The following DPH6 variants were observed in gnomAD, a reference collection of about 807,000 sequenced individuals.
The protein encoded by DPH6 is diphthamine biosynthesis 6, also known as diphthine--ammonia ligase.
In DPH6, 33 loss-of-function variants were observed where a neutral mutation model predicts 38.2. The observed-to-expected ratio is 0.86, with a 90% confidence interval of 0.65 to 1.15. DPH6 has a LOEUF of 1.15. Ranked by LOEUF, DPH6 falls within the 50% of genes most tolerant of loss-of-function variation. The probability of loss-of-function intolerance (pLI) is 0.00; values close to 1 mark genes in which losing one functional copy is unlikely to be tolerated. For missense variants in DPH6, 325 were observed against 320.0 expected (o/e 1.02, Z -0.12); for synonymous variants, 108 against 103.0 (o/e 1.05, Z -0.30).
At chr15:35,299,018 T>TG (rs1566862934) in intron 3 of DPH6, 1 of 733,424 alleles carries the variant, frequency 1.4e-6, no homozygotes, top group East Asian at 2.5e-5. Context: ...AAAACTCACG[T>TG]GCATCATGTC....
At chr15:35,535,833 C>G (rs889982496) in intron 3 of DPH6, among the ~76,000 whole-genome samples, 1 of 152,096 alleles carries the variant, frequency 6.6e-6, no homozygotes, top group Non-Finnish European at 1.5e-5. Flanking sequence ...ATAATTTCTA[C>G]AAAATAGTTA....
chr15:35,538,518 C>G, intron 2 of DPH6, 51 bp from the exon 3 acceptor site: 1 of 1,391,814 alleles, frequency 7.2e-7, no homozygotes, highest in Non-Finnish European at 9.5e-7. Flanking sequence ...AAAAAGAAAG[C>G]GGATTTGAAA....
intron 6 of DPH6, among the ~76,000 whole-genome samples, chr15:35,410,441 A>G (rs758332290): frequency 6.6e-6 from 1 of 151,708 alleles, no homozygotes; most frequent in Non-Finnish European, 1.5e-5. Context: ...TAATTTCCTA[A>G]TTGGTAAAAG....
intron 3 of DPH6, among the ~76,000 whole-genome samples, chr15:35,509,931 G>T (rs561786982): frequency 6.6e-6 from 1 of 152,134 alleles, no homozygotes; most frequent in Admixed American, 6.6e-5. Flanking sequence ...TAAAGATTCA[G>T]GTAGCTGGGC....
At chr15:35,268,063 G>A (rs1452417226) in intron 3 of DPH6, among the ~76,000 whole-genome samples, 3 of 151,946 alleles carry the variant, frequency 2.0e-5, no homozygotes, top group Non-Finnish European at 2.9e-5. Flanking sequence ...CCTGCTACTC[G>A]GGAGGCTGAG....
chr15:35,473,209 A>G (rs1292965670), intron 3 of DPH6, among the ~76,000 whole-genome samples: 1 of 152,188 alleles, frequency 6.6e-6, no homozygotes, highest in Non-Finnish European at 1.5e-5. Context: ...ATATTATTCA[A>G]TAAATAGGAA....
chr15:35,261,138 G>A (rs916840696), intron 3 of DPH6, among the ~76,000 whole-genome samples: 10 of 152,094 alleles, frequency 6.6e-5, no homozygotes, highest in South Asian at 4.1e-4. Context: ...GATTAACTTC[G>A]TTCTTTAATG....
chr15:35,431,506 T>A (rs1367804177), intron 5 of DPH6, among the ~76,000 whole-genome samples: 1 of 151,990 alleles, frequency 6.6e-6, no homozygotes, highest in Non-Finnish European at 1.5e-5. Flanking sequence ...TAAGCCATAA[T>A]CAAATAAAGA....
chr15:35,292,557 G>A (rs934851209), intron 3 of DPH6, among the ~76,000 whole-genome samples: 3 of 151,686 alleles, frequency 2.0e-5, no homozygotes, highest in Admixed American at 1.3e-4. Flanking sequence ...TATTTTTTTC[G>A]GCTGCTGGCC....
chr15:35,476,842 T>C (rs1388421379), intron 3 of DPH6, among the ~76,000 whole-genome samples: 1 of 151,870 alleles, frequency 6.6e-6, no homozygotes, highest in East Asian at 1.9e-4. Context: ...AGTTATAGAA[T>C]AGTAAATGTT....
chr15:35,391,304 G>A (rs749320115), intron 6 of DPH6, among the ~76,000 whole-genome samples: 1 of 152,198 alleles, frequency 6.6e-6, no homozygotes, highest in Non-Finnish European at 1.5e-5. Context: ...CCCACTTGAG[G>A]AGGCAGTCTG....
intron 3 of DPH6, among the ~76,000 whole-genome samples, chr15:35,303,548 TCTC>T (rs2052068224): frequency 2.0e-5 from 3 of 151,884 alleles, no homozygotes; most frequent in Admixed American, 2.0e-4. Context: ...TGAAGCTAGA[TCTC>T]CTGATTCCAA....
the DPH6 span, among the ~76,000 whole-genome samples, chr15:35,152,380 A>T: frequency 2.0e-5 from 3 of 152,188 alleles, no homozygotes; most frequent in African/African-American, 7.2e-5. Context: ...TATTAAAAAA[A>T]ACTCTGAAAA....
chr15:35,348,665 G>C (rs557316318), intron 3 of DPH6, among the ~76,000 whole-genome samples: 3 of 152,124 alleles, frequency 2.0e-5, no homozygotes, highest in African/African-American at 7.2e-5. Context: ...ATGAACTTTA[G>C]GATAGTCTTT....
intron 3 of DPH6, among the ~76,000 whole-genome samples, chr15:35,486,720 T>G (rs2054404183): frequency 6.6e-6 from 1 of 152,070 alleles, no homozygotes; most frequent in African/African-American, 2.4e-5. Context: ...TTCTCACATT[T>G]CAAAACCAAT....
intron 3 of DPH6, among the ~76,000 whole-genome samples, chr15:35,234,587 C>G (rs548665688): frequency 6.6e-6 from 1 of 152,222 alleles, no homozygotes; most frequent in South Asian, 2.1e-4. Context: ...TTAACAACAC[C>G]CAAACTATGA....
At chr15:35,216,604 A>G (rs1331186231), downstream of DPH6, among the ~76,000 whole-genome samples, 1 of 152,234 alleles carries the variant, frequency 6.6e-6, no homozygotes, top group Non-Finnish European at 1.5e-5. Flanking sequence ...GCATAAAACT[A>G]ATTATGGTCA....
chr15:35,248,074 G>A (rs2051647968), intron 3 of DPH6, among the ~76,000 whole-genome samples: 1 of 152,196 alleles, frequency 6.6e-6, no homozygotes, highest in Non-Finnish European at 1.5e-5. Flanking sequence ...AAAATTGGAA[G>A]TCCATGTGTA....
chr15:35,308,011 C>A (rs941000675), intron 3 of DPH6, among the ~76,000 whole-genome samples: 1 of 152,154 alleles, frequency 6.6e-6, no homozygotes, highest in Non-Finnish European at 1.5e-5. Flanking sequence ...GTGGCTCACA[C>A]CTGTAATCCC....
Sources: gnomAD v4.1 joint callset for allele counts (sites outside exome capture counted in the v4.1 genomes callset) on GRCh38, gnomAD v4.1.1 for gene constraint, MANE v1.5 for transcripts, NCBI Gene and HGNC (gene_info 2026-07-23, HGNC 2026-07-21) for gene names.